The following TRAPPC3 variants were observed in gnomAD, a reference collection of about 807,000 sequenced individuals.
TRAPPC3 encodes the protein trafficking protein particle complex 3.
In TRAPPC3, 5 loss-of-function variants were observed where a neutral mutation model predicts 18.2. The ratio of observed to expected loss-of-function variants is 0.28; its 90% confidence interval spans 0.14 to 0.58. The LOEUF (loss-of-function observed/expected upper bound fraction) is 0.58, where lower values mean the gene tolerates loss of function less well. Among genes scored for constraint, TRAPPC3 ranks in the 20% least tolerant of loss-of-function variants. The pLI is 0.91. For missense variants in TRAPPC3, 176 were observed against 225.9 expected, an observed-to-expected ratio of 0.78 and a Z score of 1.41; for synonymous variants, 65 against 84.2, an observed-to-expected ratio of 0.77 and a Z score of 1.25.
In TRAPPC3 at chr1:36,138,252, G is replaced by A. The variant is rs1283417695; in HGVS notation, c.241-274C>T. On this transcript the variant is annotated intron_variant, in intron 3 of 4. Transcript: ENST00000373166. Reference sequence around the variant, plus strand: ...TCTTTCCTAGGCATCATACAAGTAAGCAACAACTCACTCACTGTGTGCTTG... The same window carrying A: ...TCTTTCCTAGGCATCATACAAGTAAACAACAACTCACTCACTGTGTGCTTG... 2.6e-6 allele frequency: 4 copies of A among 1,538,934 alleles called. No individual in the cohort carries two copies. The African/African-American group carries it at 4.1e-5, about 16-fold the overall frequency.
chr1:36,146,593 A>T (rs1045588363), intron 1 of TRAPPC3, among the ~76,000 whole-genome samples: 13 of 92,626 alleles, frequency 1.4e-4, no homozygotes, highest in Non-Finnish European at 1.9e-4. Context: ...CTACTTCATT[A>T]AAAAAAAAAA....
chr1:36,138,312 C>T, intron 3 of TRAPPC3: 1 of 1,503,432 alleles, frequency 6.7e-7, no homozygotes, highest in South Asian at 1.2e-5. Flanking sequence ...AGTCTTTCGA[C>T]ACGGTGGCTG....
intron 3 of TRAPPC3, chr1:36,139,451 C>T (rs983899071): frequency 4.0e-5 from 15 of 377,506 alleles, no homozygotes; most frequent in Non-Finnish European, 5.8e-5. Flanking sequence ...CCACCACGCC[C>T]GACCGAGTCT....
chr1:36,138,324 C>T (rs1570082237), intron 3 of TRAPPC3: 1 of 1,466,928 alleles, frequency 6.8e-7, no homozygotes, highest in East Asian at 2.5e-5. Flanking sequence ...CGGTGGCTGC[C>T]TGAGTGCAGA....
upstream of TRAPPC3, among the ~76,000 whole-genome samples, chr1:36,151,950 T>A (rs2124180856): frequency 6.6e-6 from 1 of 152,270 alleles, no homozygotes; most frequent in South Asian, 2.1e-4. Context: ...CCCTGGGAGC[T>A]GAGGCCCCCC....
chr1:36,149,531 AGT>A (rs1644251983), upstream of TRAPPC3: 1 of 976,916 alleles, frequency 1.0e-6, no homozygotes, highest in African/African-American at 1.6e-5. Flanking sequence ...CCACGGGACT[AGT>A]GGTCCGGCCG....
intron 1 of TRAPPC3, among the ~76,000 whole-genome samples, chr1:36,154,947 A>G (rs1486389669): frequency 2.0e-5 from 3 of 152,158 alleles, no homozygotes; most frequent in Middle Eastern, 3.4e-3. Context: ...CCAGATACGC[A>G]CACATCCCAG....
intron 3 of TRAPPC3, 191 bp downstream of exon 3, chr1:36,139,529 G>A: frequency 1.5e-6 from 1 of 687,880 alleles, no homozygotes; most frequent in East Asian, 2.9e-5. Flanking sequence ...TGATTTCAGT[G>A]GGGCTTTAAT....
chr1:36,138,410 G>C (rs1644057933), intron 3 of TRAPPC3, among the ~76,000 whole-genome samples: 1 of 151,988 alleles, frequency 6.6e-6, no homozygotes, highest in Non-Finnish European at 1.5e-5. Flanking sequence ...ACATTACTGG[G>C]CAGAGAAAAA....
chr1:36,138,770 C>T (rs1644062615), intron 3 of TRAPPC3, among the ~76,000 whole-genome samples: 1 of 152,050 alleles, frequency 6.6e-6, no homozygotes, highest in Non-Finnish European at 1.5e-5. Flanking sequence ...GTGGCTCACG[C>T]TTGTAATCCC....
rs1222584830 is a variant in TRAPPC3, at chr1:36,139,925, C to T, written c.141-106G>A. On this transcript the variant is annotated intron_variant, in intron 2 of 4. Coordinates refer to ENST00000373166, the MANE Select transcript of TRAPPC3 (RefSeq NM_014408.5). ...AAAATGGGGATAATCTCAAAAACATCCCAGTAAATGAGTTTAGTGAGAAAT... is the reference window on the plus strand; with the variant it reads ...AAAATGGGGATAATCTCAAAAACATTCCAGTAAATGAGTTTAGTGAGAAAT... 3.9e-6 allele frequency: 6 copies of T among 1,526,496 alleles called. No homozygotes were observed. The Admixed American group carries it at 1.2e-4, about 31-fold the overall frequency. The allele number at this position is 1,526,496 out of a possible 1,614,324, so 94.6% of individuals were successfully genotyped here.
At chr1:36,155,180 G>A (rs1488422304) in intron 1 of TRAPPC3, among the ~76,000 whole-genome samples, 3 of 152,202 alleles carry the variant, frequency 2.0e-5, no homozygotes, top group Admixed American at 1.3e-4. Context: ...GCAGGGCACA[G>A]CTGCCCCTCC....
chr1:36,150,093 C>T (rs1265406924), upstream of TRAPPC3, among the ~76,000 whole-genome samples: 1 of 152,198 alleles, frequency 6.6e-6, no homozygotes, highest in Admixed American at 6.6e-5. Flanking sequence ...CTTTCTCCCC[C>T]TCCCTCCCCC....
At chr1:36,150,347 G>A (rs138908764), upstream of TRAPPC3, among the ~76,000 whole-genome samples, 771 of 152,366 alleles carry the variant, frequency 5.1e-3, 8 homozygotes, top group African/African-American at 0.016. Flanking sequence ...GAAACACGAA[G>A]GGAATGTGCT....
chr1:36,146,583 C>T (rs1644204034), intron 1 of TRAPPC3, among the ~76,000 whole-genome samples: 1 of 139,226 alleles, frequency 7.2e-6, no homozygotes. Flanking sequence ...CGCACCCAGC[C>T]TACTTCATTA....
At chr1:36,144,276 G>C (rs374412739) in intron 1 of TRAPPC3, among the ~76,000 whole-genome samples, 2 of 82,340 alleles carry the variant, frequency 2.4e-5, no homozygotes, top group Non-Finnish European at 4.3e-5. Context: ...AGACAAGAGC[G>C]AAACCCTGTC....
At chr1:36,150,046 G>T (rs924969450), upstream of TRAPPC3, among the ~76,000 whole-genome samples, 3 of 152,114 alleles carry the variant, frequency 2.0e-5, no homozygotes, top group Non-Finnish European at 4.4e-5. Flanking sequence ...GTGGCCTCGT[G>T]ATGGAATATC....
Position 36,137,115 on chromosome 1 carries a change from G to A in TRAPPC3, c.*88C>T. On this transcript the variant is annotated 3_prime_UTR_variant, in exon 5 of 5. Coordinates refer to ENST00000373166, the MANE Select transcript of TRAPPC3 (RefSeq NM_014408.5). ...GAATATATAACATCCATGTTCAAGA[G>A]TCACTGAGTTCTGGAGGGCAGAGGG... 1 of 1,452,994 alleles carries A rather than the reference G, an allele frequency of 6.9e-7. No individual in the cohort carries two copies. Among genetic ancestry groups the A allele is most frequent in the East Asian group, 2.3e-5 (1 of 43,316 alleles). The allele number at this position is 1,452,994 out of a possible 1,614,324, so 90.0% of individuals were successfully genotyped here.
chr1:36,147,677 G>A (rs1280952085), intron 1 of TRAPPC3, among the ~76,000 whole-genome samples: 1 of 152,126 alleles, frequency 6.6e-6, no homozygotes, highest in African/African-American at 2.4e-5. Context: ...AGAGTTAGAG[G>A]TTAGAGAATT....
Sources: allele counts gnomAD v4.1 joint callset (sites outside exome capture counted in the v4.1 genomes callset), GRCh38; gene constraint gnomAD v4.1.1; transcripts MANE v1.5; gene names NCBI Gene and HGNC (gene_info 2026-07-23, HGNC 2026-07-21).